The following RABGAP1L variants were observed in gnomAD, a reference collection of about 807,000 sequenced individuals.
RABGAP1L encodes rab GTPase-activating protein 1-like.
In RABGAP1L, 63 loss-of-function variants were observed where a neutral mutation model predicts 137.7. The observed-to-expected ratio is 0.46, with a 90% confidence interval of 0.37 to 0.56. The LOEUF (loss-of-function observed/expected upper bound fraction) is 0.56. Among genes scored for constraint, RABGAP1L ranks in the 20% least tolerant of loss-of-function variants. RABGAP1L has a pLI of 0.00. For synonymous variants in RABGAP1L, 431 were observed against 433.7 expected (o/e 0.99, Z 0.08); for missense variants, 1,095 against 1,244.0 (o/e 0.88, Z 1.80).
chr1:174,169,322 G>A (rs1665159037), intron 1 of RABGAP1L, among the ~76,000 whole-genome samples: 1 of 151,886 alleles, frequency 6.6e-6, no homozygotes, highest in African/African-American at 2.4e-5. Flanking sequence ...TGCCTCCCAG[G>A]TTCAAGCAAT....
chr1:174,160,093 C>A (rs58024885), intron 1 of RABGAP1L: 9,209 of 152,412 alleles, frequency 0.06, 969 homozygotes, highest in African/African-American at 0.21. Context: ...ACGCAGGCTT[C>A]TGTACTCGAC....
chr1:174,974,301 C>T (rs1670459772), intron 21 of RABGAP1L, among the ~76,000 whole-genome samples: 1 of 152,084 alleles, frequency 6.6e-6, no homozygotes, highest in Non-Finnish European at 1.5e-5. Flanking sequence ...TACAGCTGCT[C>T]TCAAAGTGCC....
intron 14 of RABGAP1L, among the ~76,000 whole-genome samples, chr1:174,652,753 C>CCCAG (rs1675636671): frequency 6.6e-6 from 1 of 152,142 alleles, no homozygotes; most frequent in Non-Finnish European, 1.5e-5. Context: ...GGGAGGTGTC[C>CCCAG]CCAGTCAGGA....
intron 12 of RABGAP1L, among the ~76,000 whole-genome samples, chr1:174,381,342 C>T (rs1438982846): frequency 1.4e-5 from 2 of 144,460 alleles, no homozygotes; most frequent in African/African-American, 2.7e-5. Context: ...CCTGGGTATC[C>T]TTGTTGACTT....
chr1:174,399,342 CAA>C (rs1415812609), intron 13 of RABGAP1L, among the ~76,000 whole-genome samples: 1 of 152,056 alleles, frequency 6.6e-6, no homozygotes, highest in Non-Finnish European at 1.5e-5. Flanking sequence ...CATGAACACT[CAA>C]GAGTATTTTC....
At chr1:174,210,648 G>C (rs1383661500) in intron 1 of RABGAP1L, among the ~76,000 whole-genome samples, 1 of 152,176 alleles carries the variant, frequency 6.6e-6, no homozygotes, top group Non-Finnish European at 1.5e-5. Flanking sequence ...TTAAAGAGGA[G>C]ATAGAGAAAG....
intron 15 of RABGAP1L, among the ~76,000 whole-genome samples, chr1:174,692,960 C>T (rs1194196959): frequency 6.6e-6 from 1 of 152,096 alleles, no homozygotes; most frequent in Non-Finnish European, 1.5e-5. Context: ...TAAAACCTTA[C>T]CTGAAATTAC....
At chr1:174,511,302 A>G (rs1662306758) in intron 13 of RABGAP1L, among the ~76,000 whole-genome samples, 1 of 152,204 alleles carries the variant, frequency 6.6e-6, no homozygotes, top group Non-Finnish European at 1.5e-5. Flanking sequence ...GCAGAGATAT[A>G]TGTTTTCAGT....
At chr1:174,681,011 G>A (rs893871607) in intron 14 of RABGAP1L, among the ~76,000 whole-genome samples, 1 of 152,152 alleles carries the variant, frequency 6.6e-6, no homozygotes, top group Non-Finnish European at 1.5e-5. Context: ...AGCCACCAGG[G>A]AAATGAAAGT....
intron 13 of RABGAP1L, among the ~76,000 whole-genome samples, chr1:174,614,469 C>G (rs577356593): frequency 6.6e-6 from 1 of 152,330 alleles, no homozygotes; most frequent in South Asian, 2.1e-4. Context: ...ATGGGCTTCC[C>G]TTTGTGGGTA....
chr1:174,843,724 G>A (rs1693728673), intron 19 of RABGAP1L, among the ~76,000 whole-genome samples: 1 of 87,140 alleles, frequency 1.1e-5, no homozygotes, highest in Non-Finnish European at 2.3e-5. Context: ...ATGATTTATA[G>A]TCATTTGGGT....
chr1:174,716,136 GTTA>G (rs771828702), intron 17 of RABGAP1L, among the ~76,000 whole-genome samples: 11 of 152,214 alleles, frequency 7.2e-5, no homozygotes, highest in Admixed American at 5.9e-4. Flanking sequence ...TATTTTTATT[GTTA>G]TTATTTTTAT....
chr1:174,781,472 T>C (rs1285266157), intron 18 of RABGAP1L, among the ~76,000 whole-genome samples: 1 of 152,234 alleles, frequency 6.6e-6, no homozygotes, highest in Non-Finnish European at 1.5e-5. Context: ...ATTAGTCCTG[T>C]GTCAGATGAG....
At chr1:174,978,610 A>G (rs926439700) in intron 22 of RABGAP1L, among the ~76,000 whole-genome samples, 197 bp from the exon 23 acceptor site, 2 of 151,888 alleles carry the variant, frequency 1.3e-5, no homozygotes, top group Non-Finnish European at 2.9e-5. Context: ...TTTACAGAAA[A>G]GAAAGTAAGG....
chr1:174,203,938 ATT>A (rs59416325), intron 1 of RABGAP1L, among the ~76,000 whole-genome samples: 16,524 of 136,370 alleles, frequency 0.12, 960 homozygotes, highest in East Asian at 0.22. Flanking sequence ...TTGTACATTG[ATT>A]TTTTTTTTTT....
chr1:174,506,258 G>A lies in RABGAP1L; in HGVS notation c.1710+112113G>A, dbSNP rs570342940. On this transcript the variant is annotated intron_variant, in intron 13 of 25. Transcript: ENST00000681986. ...CTTAATGATAATATATTGTATACTT[G>A]AACATTGCTAAGTGTATATTTGATA... is the stretch of plus-strand genomic sequence containing the variant. Among the ~76,000 whole-genome samples, 31 of 152,256 alleles carry A rather than the reference G, an allele frequency of 2.0e-4. No individual in the cohort carries two copies. In the South Asian group the frequency reaches 6.4e-3, roughly 32 times the overall value.
intron 1 of RABGAP1L, among the ~76,000 whole-genome samples, chr1:174,173,249 G>A (rs1401493159): frequency 6.6e-6 from 1 of 151,704 alleles, no homozygotes; most frequent in African/African-American, 2.4e-5. Context: ...TCCTGCCTCA[G>A]CCTCCCGAGT....
At chr1:174,321,044 T>A (rs1020532969) in intron 11 of RABGAP1L, among the ~76,000 whole-genome samples, 17 of 152,150 alleles carry the variant, frequency 1.1e-4, no homozygotes, top group Non-Finnish European at 2.4e-4. Flanking sequence ...TGAAAGAGAA[T>A]GCGTTCCTAG....
At chr1:174,214,525 C>G (rs143114741) in intron 1 of RABGAP1L, among the ~76,000 whole-genome samples, 29 of 152,184 alleles carry the variant, frequency 1.9e-4, no homozygotes, top group African/African-American at 6.7e-4. Context: ...CCCAGAATAG[C>G]CAAAACTATC....
Sources: gnomAD v4.1 joint callset for allele counts (sites outside exome capture counted in the v4.1 genomes callset) on GRCh38, gnomAD v4.1.1 for gene constraint, MANE v1.5 for transcripts, NCBI Gene and HGNC (gene_info 2026-07-23, HGNC 2026-07-21) for gene names.